Variants in POU3F3 observed in about 807,000 individuals in gnomAD.
POU3F3 encodes POU domain, class 3, transcription factor 3.
POU3F3 carries 1 observed loss-of-function variant against 8.6 expected under a neutral mutation model. The ratio of observed to expected loss-of-function variants is 0.12; its 90% CI spans 0.04 to 0.55. The LOEUF (loss-of-function observed/expected upper bound fraction) is 0.55. POU3F3 is among the 20% of genes least tolerant of loss of function. The pLI is 0.91. For synonymous variants in POU3F3, 418 were observed against 327.4 expected, an observed-to-expected ratio of 1.28 and a Z score of -2.99; for missense variants, 577 against 690.7, an observed-to-expected ratio of 0.84 and a Z score of 1.84.
At chr2:104,859,593 C>A (rs1363582056), downstream of POU3F3, among the ~76,000 whole-genome samples, 1 of 152,110 alleles carries the variant, frequency 6.6e-6, no homozygotes, top group Non-Finnish European at 1.5e-5. Context: ...GGTTAAAAAA[C>A]CCGGAAAACT....
the POU3F3 span, among the ~76,000 whole-genome samples, chr2:104,896,940 G>C: frequency 1.3e-5 from 2 of 152,196 alleles, no homozygotes; most frequent in Non-Finnish European, 2.9e-5. Flanking sequence ...TCAAATCAAG[G>C]GACTCTGGCT....
At chr2:104,864,822 GC>G in the POU3F3 span, among the ~76,000 whole-genome samples, 4 of 152,180 alleles carry the variant, frequency 2.6e-5, no homozygotes, top group African/African-American at 9.7e-5. Flanking sequence ...AGATGGAGAG[GC>G]TTTTGTTTTC....
the POU3F3 span, among the ~76,000 whole-genome samples, chr2:104,887,757 GT>G: frequency 2.6e-5 from 4 of 152,224 alleles, no homozygotes; most frequent in Admixed American, 1.3e-4. Flanking sequence ...AGTGCAAGCT[GT>G]TCAAGAGCTC....
In POU3F3 at chr2:104,855,019, G is replaced by A. The variant is rs996935560; in HGVS notation, c.-492G>A. 2.9e-4 allele frequency among the ~76,000 whole-genome samples: 44 copies of A among 152,264 alleles called. No homozygotes were observed. The highest frequency in any genetic ancestry group is 8.4e-4 in the African/African-American group (35 of 41,570). On this transcript the variant is annotated 5_prime_UTR_variant, in exon 1 of 1. Coordinates refer to ENST00000361360, the MANE Select transcript of POU3F3 (RefSeq NM_006236.3). ...CGGGCAGAGTCCGGGCTCGCCCGAG[G>A]ACAGGAGGAGGAGCGGGAGCCCGCG...
At chr2:104,875,797 A>T in the POU3F3 span, among the ~76,000 whole-genome samples, 1 of 151,936 alleles carries the variant, frequency 6.6e-6, no homozygotes, top group African/African-American at 2.4e-5. Context: ...GCTCATTGCA[A>T]CCTCTGTCTC....
chr2:104,889,048 T>G, the POU3F3 span, among the ~76,000 whole-genome samples: 1 of 152,218 alleles, frequency 6.6e-6, no homozygotes, highest in Non-Finnish European at 1.5e-5. Context: ...TGAGTGGAAC[T>G]CCATGTAGAA....
At chr2:104,865,150 A>G in the POU3F3 span, among the ~76,000 whole-genome samples, 1 of 152,240 alleles carries the variant, frequency 6.6e-6, no homozygotes, top group Admixed American at 6.5e-5. Context: ...GTATGCCAGG[A>G]TTAGTTACCT....
chr2:104,917,117 A>T, the POU3F3 span, among the ~76,000 whole-genome samples: 1,563 of 152,270 alleles, frequency 0.01, 13 homozygotes, highest in Non-Finnish European at 0.017. Context: ...CAGAACTCAC[A>T]CCACTGGCTC....
the POU3F3 span, among the ~76,000 whole-genome samples, chr2:104,927,304 C>T: frequency 1.3e-5 from 2 of 151,026 alleles, no homozygotes; most frequent in East Asian, 1.9e-4. Context: ...TTCATAACAA[C>T]GAGGTCAGGA....
Position 104,855,366 on chromosome 2 carries a change from G to A in POU3F3, c.-145G>A. On this transcript the variant is annotated 5_prime_UTR_variant, in exon 1 of 1. Transcript: ENST00000361360. ...GGCGGCGAAGGCGGCGGGGCCGGCG[G>A]GGGCCCGGGGCGGGGGCGGGGAAGG... is the stretch of plus-strand genomic sequence containing the variant. The A allele has an allele frequency of 3.5e-6, 1 of 285,094 alleles. No homozygotes were observed. Among genetic ancestry groups the A allele is most frequent in the African/African-American group, 2.5e-5 (1 of 40,566 alleles). The allele number at this position is 285,094 out of a possible 1,614,324, so 17.7% of individuals were successfully genotyped here.
the POU3F3 span, among the ~76,000 whole-genome samples, chr2:104,904,901 C>A: frequency 6.6e-6 from 1 of 152,118 alleles, no homozygotes; most frequent in Non-Finnish European, 1.5e-5. Flanking sequence ...GAGAATGAGT[C>A]TCTGGGCCCG....
At chr2:104,867,840 C>T in the POU3F3 span, 1 of 176,670 alleles carries the variant, frequency 5.7e-6, no homozygotes, top group Non-Finnish European at 1.2e-5. This position sits in a 1 kb window ranked among gnomAD's most constrained non-coding sequence, Gnocchi z 5.0. Context: ...CGGACGCCCC[C>T]ACGACGCGCT....
the POU3F3 span, among the ~76,000 whole-genome samples, chr2:104,892,035 G>A: frequency 2.6e-5 from 4 of 152,280 alleles, no homozygotes; most frequent in Admixed American, 6.5e-5. Context: ...CAACACAAGC[G>A]CACACCTGGG....
chr2:104,912,224 G>A, the POU3F3 span, among the ~76,000 whole-genome samples: 6 of 152,302 alleles, frequency 3.9e-5, no homozygotes, highest in East Asian at 7.7e-4. Context: ...AGAACCTAGC[G>A]CATTGTGGGT....
At chr2:104,922,499 C>G in the POU3F3 span, among the ~76,000 whole-genome samples, 30 of 150,998 alleles carry the variant, frequency 2.0e-4, no homozygotes, top group African/African-American at 7.3e-4. Flanking sequence ...CATTCTGGAG[C>G]TGAAAATGCA....
the POU3F3 span, among the ~76,000 whole-genome samples, chr2:104,918,472 A>G: frequency 2.0e-5 from 3 of 152,192 alleles, no homozygotes; most frequent in African/African-American, 7.2e-5. Flanking sequence ...ATGAGGCCAT[A>G]CTGGTGGAGG....
At position 104,858,487 on chromosome 2, in the gene POU3F3, A is replaced by C. The variant is rs1297545286; in HGVS notation, c.*1474A>C. On this transcript the variant is annotated 3_prime_UTR_variant, in exon 1 of 1. Coordinates refer to ENST00000361360, the MANE Select transcript of POU3F3 (RefSeq NM_006236.3). ...TGGACAGTTGTTAGGTAATAAGGGT[A>C]TCTTTTGATGTGATCATTTGATTGT... The C allele has an allele frequency of 6.6e-6, 1 of 152,216 alleles. No homozygotes were observed. The highest frequency in any genetic ancestry group is 1.9e-4 in the East Asian group (1 of 5,200). 9.4% of individuals were successfully genotyped at this position (152,216 alleles called of 1,614,324 possible).
chr2:104,916,246 C>T, the POU3F3 span, among the ~76,000 whole-genome samples: 1 of 152,140 alleles, frequency 6.6e-6, no homozygotes, highest in Non-Finnish European at 1.5e-5. Context: ...TTAATTTATA[C>T]ATTATCTATC....
At chr2:104,897,963 A>G in the POU3F3 span, among the ~76,000 whole-genome samples, 15 of 152,164 alleles carry the variant, frequency 9.9e-5, no homozygotes, top group South Asian at 6.2e-4. Flanking sequence ...CCAAGAAAAA[A>G]TTGTTTTCCT....
Sources: gnomAD v4.1 joint callset for allele counts (sites outside exome capture counted in the v4.1 genomes callset) on GRCh38, gnomAD v4.1.1 for gene constraint, Gnocchi (gnomAD v3.1) non-coding constraint, MANE v1.5 for transcripts, NCBI Gene and HGNC (gene_info 2026-07-23, HGNC 2026-07-21) for gene names.